The following AOPEP variants were observed in gnomAD, a reference collection of about 807,000 sequenced individuals.
The protein encoded by AOPEP is aminopeptidase O.
Under a neutral mutation model 98.1 loss-of-function variants are expected in AOPEP, and 77 were observed. The observed-to-expected ratio is 0.78, with a 90% CI of 0.65 to 0.95. The LOEUF is 0.95. AOPEP is among the 40% of genes least tolerant of loss of function. The pLI is 0.00. For synonymous variants in AOPEP, 346 were observed against 365.3 expected (o/e 0.95, Z 0.60); for missense variants, 1,024 against 1,024.7 (o/e 1.00, Z 0.01).
At chr9:94,781,006 C>G (rs1421359338) in intron 3 of AOPEP, among the ~76,000 whole-genome samples, 1 of 152,084 alleles carries the variant, frequency 6.6e-6, no homozygotes, top group East Asian at 1.9e-4. Flanking sequence ...ATCATTTCTC[C>G]TAACTGTTTT....
chr9:94,993,524 A>G (rs972283385), intron 11 of AOPEP, among the ~76,000 whole-genome samples: 2 of 152,218 alleles, frequency 1.3e-5, no homozygotes, highest in African/African-American at 4.8e-5. Flanking sequence ...TATTTCTTAT[A>G]TTGAGAAAGT....
chr9:94,893,898 A>T (rs1016795171), intron 5 of AOPEP, among the ~76,000 whole-genome samples: 1 of 152,212 alleles, frequency 6.6e-6, no homozygotes, highest in African/African-American at 2.4e-5. Context: ...ACATTGGAAG[A>T]CTTGCTAAAA....
Position 94,972,072 on chromosome 9 carries a change from C to T in AOPEP, c.1916+4271C>T, listed in dbSNP as rs773181511. ...GGAAAACAATTAGAAACCAATAGAGCGGTTCAGTCAAGAGACCTGGAGAGG... is the reference window on the plus strand; with the variant it reads ...GGAAAACAATTAGAAACCAATAGAGTGGTTCAGTCAAGAGACCTGGAGAGG... On this transcript the variant is annotated intron_variant, in intron 10 of 16. Coordinates refer to ENST00000375315, the MANE Select transcript of AOPEP (RefSeq NM_001193329.3). This position sits in a 1 kb window ranked among gnomAD's most constrained non-coding sequence, Gnocchi z 4.2. Among the ~76,000 whole-genome samples the T allele has an allele frequency of 2.0e-5, 3 of 152,138 alleles. No individual in the cohort carries two copies. Among genetic ancestry groups the T allele is most frequent in the Non-Finnish European group, 2.9e-5 (2 of 68,036 alleles).
intron 10 of AOPEP, among the ~76,000 whole-genome samples, chr9:94,971,611 A>G (rs2059540470): frequency 6.6e-6 from 1 of 152,150 alleles, no homozygotes; most frequent in Non-Finnish European, 1.5e-5. Flanking sequence ...TGATGAGGCA[A>G]GGTTTTTCAG....
chr9:94,859,606 C>T (rs1193890315), intron 5 of AOPEP, among the ~76,000 whole-genome samples: 1 of 152,160 alleles, frequency 6.6e-6, no homozygotes, highest in Admixed American at 6.5e-5. Context: ...TGTTTTTCAG[C>T]CTTTCACAGA....
chr9:94,963,881 C>T (rs1041685437), intron 9 of AOPEP, among the ~76,000 whole-genome samples: 1 of 152,044 alleles, frequency 6.6e-6, no homozygotes, highest in African/African-American at 2.4e-5. Context: ...TTTTCTTGTG[C>T]TGTAGAAAGT....
the AOPEP span, among the ~76,000 whole-genome samples, chr9:95,126,173 G>A: frequency 3.3e-5 from 5 of 152,080 alleles, no homozygotes; most frequent in African/African-American, 1.2e-4. Flanking sequence ...TAAAAATATT[G>A]GTCAGCCCTC....
chr9:94,975,672 G>A (rs564663872), intron 10 of AOPEP, among the ~76,000 whole-genome samples: 3 of 152,324 alleles, frequency 2.0e-5, no homozygotes, highest in South Asian at 2.1e-4. Flanking sequence ...CATGTGGGCC[G>A]CTCTCGTTGC....
intron 2 of AOPEP, 125 bp downstream of exon 2, chr9:94,760,705 C>T (rs1588086508): frequency 2.7e-6 from 2 of 750,068 alleles, no homozygotes; most frequent in South Asian, 5.0e-5. Context: ...CCCAAGTAGC[C>T]TCAAATCCTT....
At chr9:94,956,773 A>G (rs1314940901) in intron 9 of AOPEP, among the ~76,000 whole-genome samples, 2 of 152,246 alleles carry the variant, frequency 1.3e-5, no homozygotes, top group South Asian at 2.1e-4. Flanking sequence ...TCCTTAGCAT[A>G]GATTGGACTA....
chr9:94,831,735 A>G (rs1244784345), intron 5 of AOPEP, among the ~76,000 whole-genome samples: 2 of 151,974 alleles, frequency 1.3e-5, no homozygotes, highest in Non-Finnish European at 2.9e-5. Flanking sequence ...TTCCTTGAGC[A>G]GGGTTTTGTA....
At chr9:94,804,677 A>C (rs938415776) in intron 5 of AOPEP, among the ~76,000 whole-genome samples, 1 of 152,230 alleles carries the variant, frequency 6.6e-6, no homozygotes, top group Middle Eastern at 3.2e-3. Flanking sequence ...ACTGTGTGCC[A>C]GATAGTACTT....
At chr9:94,958,745 G>T (rs899553826) in intron 9 of AOPEP, among the ~76,000 whole-genome samples, 3 of 152,130 alleles carry the variant, frequency 2.0e-5, no homozygotes, top group Non-Finnish European at 4.4e-5. Context: ...TTTTATTATT[G>T]AGTTTTAAGA....
Position 94,851,980 on chromosome 9 carries a change from C to T in AOPEP, c.1364+50978C>T, listed in dbSNP as rs1298400738. ...GTGACATAGCCAGAGGGAAAGACAG[C>T]AAAGACCGTTTGACAACTGTGATGA... On this transcript the variant is annotated intron_variant, in intron 5 of 16. Transcript: ENST00000375315. Among the ~76,000 whole-genome samples the T allele has an allele frequency of 7.9e-5, 12 of 151,870 alleles. No individual in the cohort carries two copies. In the East Asian group the frequency reaches 2.3e-3, roughly 29 times the overall value.
downstream of AOPEP, among the ~76,000 whole-genome samples, chr9:95,087,674 A>G (rs1037796523): frequency 2.6e-5 from 4 of 152,126 alleles, no homozygotes; most frequent in African/African-American, 9.7e-5. Context: ...GAGCCTGGGC[A>G]TATTCAGGCA....
the AOPEP span, chr9:95,123,459 G>A: frequency 4.3e-5 from 20 of 461,182 alleles, no homozygotes; most frequent in Non-Finnish European, 8.7e-5. Flanking sequence ...GGGCAACATG[G>A]TGAAACCCCA....
intron 15 of AOPEP, among the ~76,000 whole-genome samples, chr9:95,081,728 A>G (rs2069809402): frequency 6.6e-6 from 1 of 152,206 alleles, no homozygotes; most frequent in East Asian, 1.9e-4. Context: ...TCACTGCAGT[A>G]TATTTAGAAT....
At chr9:95,084,787 A>G (rs1194979134) in intron 16 of AOPEP, among the ~76,000 whole-genome samples, 1 of 151,896 alleles carries the variant, frequency 6.6e-6, no homozygotes, top group Non-Finnish European at 1.5e-5. Context: ...CTGCCCCCCA[A>G]CCAGTCCCCG....
At chr9:94,851,604 T>A (rs1355422354) in intron 5 of AOPEP, among the ~76,000 whole-genome samples, 1 of 151,780 alleles carries the variant, frequency 6.6e-6, no homozygotes, top group Non-Finnish European at 1.5e-5. Context: ...AGATGTTTAA[T>A]CTTTCTGTTG....
Sources: allele counts gnomAD v4.1 joint callset (sites outside exome capture counted in the v4.1 genomes callset), GRCh38; gene constraint gnomAD v4.1.1; non-coding constraint Gnocchi (gnomAD v3.1); transcripts MANE v1.5; gene names NCBI Gene and HGNC (gene_info 2026-07-23, HGNC 2026-07-21).